The following XPR1 variants were observed in gnomAD, a reference collection of about 807,000 sequenced individuals.
XPR1 encodes xenotropic and polytropic retrovirus receptor 1, also known as solute carrier family 53 member 1.
XPR1 carries 28 observed loss-of-function variants against 87.5 expected under a neutral mutation model. That is an observed-to-expected ratio of 0.32 (90% CI 0.24 to 0.44). XPR1 has a LOEUF of 0.44. XPR1 is among the 20% of genes least tolerant of loss of function. The pLI is 1.00. For synonymous variants in XPR1, 300 were observed against 306.1 expected (o/e 0.98, Z 0.21); for missense variants, 559 against 862.3 (o/e 0.65, Z 4.41).
intron 7 of XPR1, among the ~76,000 whole-genome samples, chr1:180,816,205 A>C (rs911124086): frequency 6.6e-6 from 1 of 152,172 alleles, no homozygotes; most frequent in Admixed American, 6.5e-5. Context: ...GGATGGTTTC[A>C]AGGTGAAACC....
rs1374652945 is a variant in XPR1 at position 180,702,285 on chromosome 1, C to T, written c.121+19874C>T. Among the ~76,000 whole-genome samples, 4 of 124,348 alleles carry T rather than the reference C, an allele frequency of 3.2e-5. 1 individual carries two copies. The highest frequency in any genetic ancestry group is 4.4e-4 in the East Asian group (2 of 4,564). The allele number at this position is 124,348 out of a possible 152,430, so 81.6% of individuals were successfully genotyped here. A position where few individuals can be genotyped will look rare whatever the true frequency, so the allele number is the denominator to read the frequency against. On this transcript the variant is annotated intron_variant, in intron 2 of 14. Coordinates refer to ENST00000367590, the MANE Select transcript of XPR1 (RefSeq NM_004736.4). Reference sequence around the variant, plus strand: ...TTAATCCTGAGTTCTAGTTTGATTGCACTGTGGTCTGAGAGATAGTTTGTT... The same window carrying T: ...TTAATCCTGAGTTCTAGTTTGATTGTACTGTGGTCTGAGAGATAGTTTGTT...
chr1:180,798,046 A>G (rs1475284320), intron 3 of XPR1, among the ~76,000 whole-genome samples: 2 of 147,338 alleles, frequency 1.4e-5, no homozygotes, highest in Admixed American at 1.3e-4. Flanking sequence ...ATTTTAAAAT[A>G]TATGAATTGT....
intron 2 of XPR1, among the ~76,000 whole-genome samples, chr1:180,719,455 G>A (rs1340449753): frequency 6.6e-6 from 1 of 152,008 alleles, no homozygotes; most frequent in Non-Finnish European, 1.5e-5. Flanking sequence ...GACATGTTGG[G>A]GCTTAGAATA....
chr1:180,787,138 G>C (rs1369751040), intron 2 of XPR1, among the ~76,000 whole-genome samples: 1 of 151,844 alleles, frequency 6.6e-6, no homozygotes, highest in Non-Finnish European at 1.5e-5. Context: ...AATTTTACTT[G>C]ATCAATTCTG....
intron 2 of XPR1, among the ~76,000 whole-genome samples, chr1:180,753,582 A>G (rs1411032029): frequency 1.3e-5 from 2 of 152,020 alleles, no homozygotes; most frequent in Non-Finnish European, 1.5e-5. Flanking sequence ...AGTGCTGAAA[A>G]TGTTAGAACT....
chr1:180,809,428 TAGTC>T (rs1178881453), intron 6 of XPR1, among the ~76,000 whole-genome samples: 9 of 152,164 alleles, frequency 5.9e-5, no homozygotes, highest in Admixed American at 3.3e-4. Context: ...TATATCAACT[TAGTC>T]AGTAAAGCAG....
intron 2 of XPR1, among the ~76,000 whole-genome samples, chr1:180,732,590 C>T (rs1658593916): frequency 6.6e-6 from 1 of 152,172 alleles, no homozygotes. Context: ...TGGCTCACTT[C>T]TTCAGTGCCC....
intron 7 of XPR1, among the ~76,000 whole-genome samples, chr1:180,815,458 G>A (rs1650374256): frequency 1.3e-5 from 2 of 152,130 alleles, no homozygotes; most frequent in Admixed American, 1.3e-4. Flanking sequence ...GTGCTTAAAA[G>A]ATAACAGTGT....
intron 2 of XPR1, among the ~76,000 whole-genome samples, chr1:180,698,949 CTTTGACTTTTGATAG>C (rs1657258870): frequency 6.6e-6 from 1 of 151,430 alleles, no homozygotes; most frequent in African/African-American, 2.4e-5. Context: ...CTCTCTTTGT[CTTTGACTTTTGATAG>C]TTTGACTATA....
chr1:180,657,828 C>T (rs1421742827), intron 1 of XPR1, among the ~76,000 whole-genome samples: 1 of 151,904 alleles, frequency 6.6e-6, no homozygotes, highest in East Asian at 1.9e-4. Context: ...TGAAGAATGT[C>T]ATTGATATTT....
At chr1:180,767,481 C>T (rs1305020851) in intron 2 of XPR1, among the ~76,000 whole-genome samples, 1 of 152,058 alleles carries the variant, frequency 6.6e-6, no homozygotes, top group East Asian at 1.9e-4. Context: ...TTAGTGCATT[C>T]TCTTTTCTTG....
At chr1:180,678,510 A>G (rs1265117372) in intron 1 of XPR1, among the ~76,000 whole-genome samples, 1 of 152,194 alleles carries the variant, frequency 6.6e-6, no homozygotes, top group Non-Finnish European at 1.5e-5. Flanking sequence ...CCTCAGTTGC[A>G]TTATTGTATT....
chr1:180,752,900 C>A (rs375523234), intron 2 of XPR1, among the ~76,000 whole-genome samples: 1 of 152,152 alleles, frequency 6.6e-6, no homozygotes, highest in South Asian at 2.1e-4. Flanking sequence ...AAAAATAATT[C>A]TGTAATTTTA....
chr1:180,680,488 C>T (rs1338612421), intron 1 of XPR1, among the ~76,000 whole-genome samples: 1 of 150,962 alleles, frequency 6.6e-6, no homozygotes, highest in African/African-American at 2.4e-5. Context: ...GTCTCAGCCT[C>T]CCGAGTAGCT....
intron 11 of XPR1, among the ~76,000 whole-genome samples, chr1:180,860,479 A>G (rs2102203180): frequency 6.6e-6 from 1 of 152,326 alleles, no homozygotes; most frequent in Admixed American, 6.5e-5. Context: ...AAATGGATAA[A>G]CAATTTGTAT....
Position 180,735,511 on chromosome 1 carries a change from C to T in XPR1, c.122-52242C>T, listed in dbSNP as rs963438135. On this transcript the variant is annotated intron_variant, in intron 2 of 14. Transcript: ENST00000367590. ...CTTTAGTGAATAATACTGTGTCACA[C>T]CACAACTTGAAGTATTTGATTTGTG... 3.0e-4 allele frequency among the ~76,000 whole-genome samples: 46 copies of T among 152,254 alleles called. No individual in the cohort carries two copies. In the East Asian group the frequency reaches 4.0e-3, roughly 13 times the overall value.
At chr1:180,779,938 C>T (rs533914388) in intron 2 of XPR1, among the ~76,000 whole-genome samples, 190 of 152,236 alleles carry the variant, frequency 1.2e-3, no homozygotes, top group Non-Finnish European at 2.2e-3. Context: ...GTGATCTTAA[C>T]TATCTGGCTT....
chr1:180,779,650 C>G (rs1452758225), intron 2 of XPR1, among the ~76,000 whole-genome samples: 1 of 150,382 alleles, frequency 6.6e-6, no homozygotes, highest in Non-Finnish European at 1.5e-5. Flanking sequence ...ACTCAGGAGG[C>G]TGAGGCAGGA....
intron 2 of XPR1, among the ~76,000 whole-genome samples, chr1:180,753,554 T>TAA (rs749095671): frequency 1.4e-5 from 2 of 138,436 alleles, no homozygotes; most frequent in African/African-American, 2.7e-5. Flanking sequence ...ACCCTGTCTT[T>TAA]AAAAAAAAAA....
Sources: allele counts gnomAD v4.1 joint callset (sites outside exome capture counted in the v4.1 genomes callset), GRCh38; gene constraint gnomAD v4.1.1; transcripts MANE v1.5; gene names NCBI Gene and HGNC (gene_info 2026-07-23, HGNC 2026-07-21).